Variants in CUL5 observed in about 807,000 individuals in gnomAD.
The protein encoded by CUL5 is cullin 5.
In CUL5, 26 loss-of-function variants were observed where a neutral mutation model predicts 108.8. That is an observed-to-expected ratio of 0.24 (90% confidence interval 0.18 to 0.33). The LOEUF is 0.33. CUL5 is among the 10% of genes least tolerant of loss of function. The probability of loss-of-function intolerance (pLI) is 1.00; values close to 1 mark genes in which losing one functional copy is unlikely to be tolerated. For synonymous variants in CUL5, 334 were observed against 298.0 expected, an observed-to-expected ratio of 1.12 and a Z score of -1.25; for missense variants, 524 against 909.2, an observed-to-expected ratio of 0.58 and a Z score of 5.45.
intron 7 of CUL5, among the ~76,000 whole-genome samples, chr11:108,069,791 G>T (rs1489635442): frequency 6.6e-6 from 1 of 152,090 alleles, no homozygotes; most frequent in Non-Finnish European, 1.5e-5. Flanking sequence ...TTTAAAACAG[G>T]TTCTCTCCAG....
At chr11:108,052,622 A>G (rs1483326170) in intron 4 of CUL5, 38 bp from the exon 5 acceptor site, 17 of 1,551,966 alleles carry the variant, frequency 1.1e-5, no homozygotes, top group Non-Finnish European at 1.4e-5. Context: ...TATATTAATA[A>G]TTGAAAATTA....
chr11:108,099,864 A>G (rs950745744), intron 18 of CUL5, among the ~76,000 whole-genome samples: 3 of 151,862 alleles, frequency 2.0e-5, no homozygotes, highest in South Asian at 2.1e-4. Context: ...ATGAAAAACT[A>G]TATTCTTCCA....
chr11:108,028,358 A>C (rs1310330311), intron 1 of CUL5, among the ~76,000 whole-genome samples: 2 of 152,188 alleles, frequency 1.3e-5, no homozygotes, highest in Non-Finnish European at 2.9e-5. Context: ...ACTGTTAGGA[A>C]GTCCTGTTAG....
At chr11:108,059,535 C>G (rs959926179) in intron 7 of CUL5, among the ~76,000 whole-genome samples, 1 of 152,088 alleles carries the variant, frequency 6.6e-6, no homozygotes, top group African/African-American at 2.4e-5. Flanking sequence ...TACCAGCTGT[C>G]TGCGTTTTGG....
At chr11:108,076,964 A>G (rs910962209) in intron 10 of CUL5, among the ~76,000 whole-genome samples, 54 of 152,274 alleles carry the variant, frequency 3.5e-4, no homozygotes, top group African/African-American at 1.3e-3. Flanking sequence ...ACTTTGAAAT[A>G]TCTGTTAAAC....
rs1424545467 is a variant in CUL5, at chr11:108,106,667, C to A, written c.*2283C>A. On this transcript the variant is annotated 3_prime_UTR_variant, in exon 19 of 19. Coordinates refer to ENST00000393094, the MANE Select transcript of CUL5 (RefSeq NM_003478.6). ...TTTAAGTAATTTAACAACAGATTTG[C>A]TAATTTAAAAAAAAATGAAAAAAAA... 6.8e-6 allele frequency: 1 copy of A among 146,804 alleles called. No individual in the cohort carries two copies. Among genetic ancestry groups the A allele is most frequent in the Non-Finnish European group, 1.5e-5 (1 of 67,022 alleles). The allele number at this position is 146,804 out of a possible 1,614,324, so 9.1% of individuals were successfully genotyped here. A position where few individuals can be genotyped will look rare whatever the true frequency, so the allele number is the denominator to read the frequency against.
At chr11:108,095,223 C>T (rs1325823428) in intron 15 of CUL5, among the ~76,000 whole-genome samples, 1 of 152,138 alleles carries the variant, frequency 6.6e-6, no homozygotes, top group Non-Finnish European at 1.5e-5. Flanking sequence ...CTCAGTATTC[C>T]TGGCAACAGA....
intron 2 of CUL5, among the ~76,000 whole-genome samples, chr11:108,036,695 C>T (rs1862754089): frequency 6.6e-6 from 1 of 152,204 alleles, no homozygotes; most frequent in South Asian, 2.1e-4. Context: ...CCGGGATGGT[C>T]TCGAACTCTT....
chr11:108,082,596 T>C (rs1864118268), intron 11 of CUL5, among the ~76,000 whole-genome samples: 1 of 151,976 alleles, frequency 6.6e-6, no homozygotes, highest in Non-Finnish European at 1.5e-5. Flanking sequence ...TTTCTTAATT[T>C]TCTTCTGGAT....
chr11:108,029,893 A>T (rs953364286), intron 1 of CUL5, among the ~76,000 whole-genome samples: 2 of 152,214 alleles, frequency 1.3e-5, no homozygotes, highest in African/African-American at 4.8e-5. Context: ...TTTTAATTGC[A>T]GGACTTACAC....
chr11:108,101,273 T>TAC (rs1482265759), intron 18 of CUL5, among the ~76,000 whole-genome samples: 3 of 152,250 alleles, frequency 2.0e-5, no homozygotes, highest in African/African-American at 7.2e-5. Context: ...TGACTGGTAA[T>TAC]GACAGTAAAG....
chr11:108,029,583 G>A (rs1009640299), intron 1 of CUL5, among the ~76,000 whole-genome samples: 14 of 152,126 alleles, frequency 9.2e-5, no homozygotes, highest in African/African-American at 3.4e-4. Context: ...AGTGGATTTG[G>A]TGTCCTGCCA....
At position 108,081,464 on chromosome 11, in the gene CUL5, G is replaced by A. The variant is rs532455994; in HGVS notation, c.1178+3224G>A. On this transcript the variant is annotated intron_variant, in intron 11 of 18. Coordinates refer to ENST00000393094, the MANE Select transcript of CUL5 (RefSeq NM_003478.6). Reference sequence around the variant, plus strand: ...AGTCTTTTCTCCATTATCAAAAATCGGTTGGCTGCCAGGCGTGGTGGCTCA... The same window carrying A: ...AGTCTTTTCTCCATTATCAAAAATCAGTTGGCTGCCAGGCGTGGTGGCTCA... Among the ~76,000 whole-genome samples the A allele has an allele frequency of 9.5e-4, 142 of 149,910 alleles. 1 individual carries two copies. In the Middle Eastern group the frequency reaches 0.016, roughly 16 times the overall value.
chr11:108,031,364 CAA>C (rs34044185), intron 1 of CUL5, among the ~76,000 whole-genome samples: 434 of 139,644 alleles, frequency 3.1e-3, no homozygotes, highest in South Asian at 3.8e-3. Context: ...GACTCTGTCT[CAA>C]AAAAAAAAAA....
chr11:108,093,411 T>C (rs1459320466), intron 13 of CUL5, among the ~76,000 whole-genome samples: 1 of 152,240 alleles, frequency 6.6e-6, no homozygotes, highest in East Asian at 1.9e-4. Flanking sequence ...TTTATGTTGG[T>C]AATTTGCTTT....
intron 7 of CUL5, among the ~76,000 whole-genome samples, chr11:108,063,500 T>C (rs1863596637): frequency 6.6e-6 from 1 of 151,930 alleles, no homozygotes; most frequent in South Asian, 2.1e-4. Context: ...AGTGCTGCAA[T>C]ACATGTATAC....
At chr11:108,046,678 C>CTTT (rs200639536) in intron 3 of CUL5, among the ~76,000 whole-genome samples, 1 of 151,630 alleles carries the variant, frequency 6.6e-6, no homozygotes, top group Non-Finnish European at 1.5e-5. Context: ...CCACACAGAT[C>CTTT]TTTTTTTTTC....
intron 1 of CUL5, among the ~76,000 whole-genome samples, chr11:108,014,581 T>C (rs1862134531): frequency 1.3e-5 from 2 of 152,230 alleles, no homozygotes; most frequent in East Asian, 3.8e-4. Flanking sequence ...ATAATCTGCT[T>C]GTGAGATTGG....
intron 7 of CUL5, among the ~76,000 whole-genome samples, chr11:108,062,021 G>C (rs532168917): frequency 2.6e-4 from 40 of 152,190 alleles, no homozygotes; most frequent in Admixed American, 4.6e-4. Flanking sequence ...CTCCCACCAG[G>C]TCCCTGTCTC....
Sources: allele counts gnomAD v4.1 joint callset (sites outside exome capture counted in the v4.1 genomes callset), GRCh38; gene constraint gnomAD v4.1.1; transcripts MANE v1.5; gene names NCBI Gene and HGNC (gene_info 2026-07-23, HGNC 2026-07-21).